TMEM232: variants seen among roughly 807,000 people sequenced by gnomAD.
TMEM232 encodes the protein transmembrane protein 232.
Under a neutral mutation model 78.8 loss-of-function variants are expected in TMEM232, and 80 were observed. That is an observed-to-expected ratio of 1.01 (90% CI 0.85 to 1.22). The LOEUF (loss-of-function observed/expected upper bound fraction) is 1.22. Among genes scored for constraint, TMEM232 ranks in the 50% most tolerant of loss-of-function variants. The probability of loss-of-function intolerance (pLI) is 0.00; values close to 1 mark genes in which losing one functional copy is unlikely to be tolerated. For synonymous variants in TMEM232, 297 were observed against 254.3 expected (o/e 1.17, Z -1.60); for missense variants, 881 against 742.2 (o/e 1.19, Z -2.17).
intron 6 of TMEM232, among the ~76,000 whole-genome samples, chr5:110,627,185 G>A (rs778463432): frequency 9.9e-5 from 15 of 151,886 alleles, no homozygotes; most frequent in Non-Finnish European, 1.5e-4. Flanking sequence ...TTCAGCTCCC[G>A]CTTGAATTTC....
At chr5:110,658,709 TG>T (rs1281978785) in intron 2 of TMEM232, among the ~76,000 whole-genome samples, 1 of 152,142 alleles carries the variant, frequency 6.6e-6, no homozygotes, top group Non-Finnish European at 1.5e-5. Context: ...TCTTGTGAAA[TG>T]TAATTATTAA....
chr5:110,392,694 T>C (rs1430864152), intron 3 of TMEM232, among the ~76,000 whole-genome samples: 4 of 152,188 alleles, frequency 2.6e-5, no homozygotes. Flanking sequence ...CATGACCTCA[T>C]ATAAACCTAT....
intron 12 of TMEM232, among the ~76,000 whole-genome samples, chr5:110,510,074 C>T (rs150080406): frequency 6.6e-6 from 1 of 152,254 alleles, no homozygotes; most frequent in Non-Finnish European, 1.5e-5. Context: ...CAAAATTCTA[C>T]CAGAGGCCTG....
In TMEM232 at chr5:110,689,733, C is replaced by T. The variant is rs187637644; in HGVS notation, c.-12-22369G>A. Among the ~76,000 whole-genome samples the T allele has an allele frequency of 4.1e-3, 628 of 152,206 alleles. 2 individuals carry two copies. Among genetic ancestry groups the T allele is most frequent in the Non-Finnish European group, 6.9e-3 (469 of 68,002 alleles). On this transcript the variant is annotated intron_variant, in intron 1 of 13. Coordinates refer to ENST00000455884, the MANE Select transcript of TMEM232 (RefSeq NM_001039763.4). ...AGGCATCACACTACCTGACTTCAAA[C>T]GATACTACAAGGCTACAGTAACCAA...
rs1242422940 is a variant in TMEM232, at chr5:110,581,889, C to T, written c.1277-13264G>A. ...TTCTCAAAAGAAGACATACATGCAT[C>T]CAAAAAGCATATAAAAAAGTCCAAC... On this transcript the variant is annotated intron_variant, in intron 10 of 13. Coordinates refer to ENST00000455884, the MANE Select transcript of TMEM232 (RefSeq NM_001039763.4). Among the ~76,000 whole-genome samples the T allele has an allele frequency of 2.6e-5, 4 of 151,530 alleles. No homozygotes were observed. In the East Asian group the frequency reaches 7.8e-4, roughly 29 times the overall value.
At chr5:110,407,362 A>T (rs1273626118) in intron 2 of TMEM232, among the ~76,000 whole-genome samples, 1 of 152,154 alleles carries the variant, frequency 6.6e-6, no homozygotes, top group Non-Finnish European at 1.5e-5. Flanking sequence ...TGGAAACCAT[A>T]AAAGAGAGGA....
At chr5:110,660,678 A>G (rs1789657771) in intron 2 of TMEM232, among the ~76,000 whole-genome samples, 1 of 152,090 alleles carries the variant, frequency 6.6e-6, no homozygotes, top group African/African-American at 2.4e-5. Context: ...CTTTTGCTTT[A>G]TTATTTTTTA....
At chr5:110,674,448 T>C (rs1219634838) in intron 1 of TMEM232, among the ~76,000 whole-genome samples, 1 of 152,190 alleles carries the variant, frequency 6.6e-6, no homozygotes, top group Non-Finnish European at 1.5e-5. Context: ...CTATTAGTCT[T>C]TTACGTATTG....
intron 12 of TMEM232, among the ~76,000 whole-genome samples, chr5:110,441,588 T>C (rs1439152224): frequency 2.0e-5 from 3 of 152,162 alleles, no homozygotes; most frequent in Non-Finnish European, 1.5e-5. Context: ...GTTAGAAGAC[T>C]ACAGACTATG....
intron 12 of TMEM232, among the ~76,000 whole-genome samples, chr5:110,495,617 A>G (rs1196966508): frequency 6.6e-6 from 1 of 151,946 alleles, no homozygotes; most frequent in Non-Finnish European, 1.5e-5. Flanking sequence ...CTCTAGTCCA[A>G]AAAAACTAGA....
At chr5:110,561,218 G>A (rs189432515) in intron 11 of TMEM232, among the ~76,000 whole-genome samples, 1 of 152,126 alleles carries the variant, frequency 6.6e-6, no homozygotes, top group East Asian at 1.9e-4. Flanking sequence ...ATGTTTAAGA[G>A]CACTGGCTAT....
At chr5:110,439,526 C>T (rs1430557516) in intron 12 of TMEM232, among the ~76,000 whole-genome samples, 1 of 151,872 alleles carries the variant, frequency 6.6e-6, no homozygotes, top group East Asian at 1.9e-4. Context: ...TGGGCTTCTG[C>T]CATTCCTAGT....
At chr5:110,501,317 TATTA>T (rs1327498231) in intron 12 of TMEM232, among the ~76,000 whole-genome samples, 1 of 152,164 alleles carries the variant, frequency 6.6e-6, no homozygotes, top group Non-Finnish European at 1.5e-5. Flanking sequence ...GCATCTAAGC[TATTA>T]ATTAACTTCT....
At chr5:110,728,810 T>C (rs2150370582), upstream of TMEM232, among the ~76,000 whole-genome samples, 1 of 150,580 alleles carries the variant, frequency 6.6e-6, no homozygotes, top group Non-Finnish European at 1.5e-5. Flanking sequence ...CAATTATGCT[T>C]TCAGAAACTA....
At chr5:110,498,690 T>C (rs1409518508) in intron 12 of TMEM232, among the ~76,000 whole-genome samples, 1 of 152,132 alleles carries the variant, frequency 6.6e-6, no homozygotes, top group African/African-American at 2.4e-5. Context: ...GAATGGCTAA[T>C]ACTCAAGGGG....
At chr5:110,656,707 G>C (rs974726611) in intron 2 of TMEM232, among the ~76,000 whole-genome samples, 3 of 151,860 alleles carry the variant, frequency 2.0e-5, no homozygotes, top group Admixed American at 2.0e-4. Context: ...CGTGGTGGCA[G>C]GGCACCGGTA....
intron 12 of TMEM232, 127 bp from the exon 13 acceptor site, chr5:110,425,043 T>C: frequency 2.7e-6 from 2 of 737,256 alleles, no homozygotes; most frequent in South Asian, 3.9e-5. Context: ...CATAAAGTAT[T>C]TGTGTAGACT....
intron 10 of TMEM232, among the ~76,000 whole-genome samples, chr5:110,581,050 G>A (rs1475026881): frequency 6.6e-6 from 1 of 151,696 alleles, no homozygotes; most frequent in Non-Finnish European, 1.5e-5. Context: ...CTATGCTCAT[G>A]GACAGAATAA....
chr5:110,656,946 T>A (rs79186661), intron 2 of TMEM232, among the ~76,000 whole-genome samples: 1 of 152,158 alleles, frequency 6.6e-6, no homozygotes, highest in South Asian at 2.1e-4. Flanking sequence ...ACATAATAAT[T>A]GTACGTATTT....
Sources: gnomAD v4.1 joint callset for allele counts (sites outside exome capture counted in the v4.1 genomes callset) on GRCh38, gnomAD v4.1.1 for gene constraint, MANE v1.5 for transcripts, NCBI Gene and HGNC (gene_info 2026-07-23, HGNC 2026-07-21) for gene names.